LRMDA: variants seen among roughly 807,000 people sequenced by gnomAD.
LRMDA encodes the protein leucine rich melanocyte differentiation associated.
Under a neutral mutation model 29.8 loss-of-function variants are expected in LRMDA, and 18 were observed. The ratio of observed to expected loss-of-function variants is 0.60; its 90% CI spans 0.42 to 0.90. The LOEUF is 0.90. LRMDA is among the 40% of genes least tolerant of loss of function. The pLI is 0.00. For synonymous variants in LRMDA, 125 were observed against 109.4 expected (o/e 1.14, Z -0.89); for missense variants, 273 against 273.9 (o/e 1.00, Z 0.02).
intron 6 of LRMDA, among the ~76,000 whole-genome samples, chr10:76,486,451 C>A (rs753425287): frequency 2.0e-5 from 3 of 151,856 alleles, no homozygotes; most frequent in African/African-American, 4.8e-5. Context: ...GCTGCACGTA[C>A]ATAGGTCAAG....
At chr10:76,277,353 A>T (rs1329604385) in intron 5 of LRMDA, among the ~76,000 whole-genome samples, 1 of 152,072 alleles carries the variant, frequency 6.6e-6, no homozygotes, top group East Asian at 1.9e-4. Context: ...GTATCCTTGT[A>T]TTTTGTGCAG....
At chr10:75,676,107 TTCTGGGGAAAGAA>T (rs1180733760) in intron 2 of LRMDA, among the ~76,000 whole-genome samples, 2 of 151,996 alleles carry the variant, frequency 1.3e-5, no homozygotes, top group African/African-American at 4.8e-5. Context: ...CTTGCTCCCT[TTCTGGGGAAAGAA>T]TCCCAGGTTA....
chr10:75,894,775 C>T (rs560568390), intron 2 of LRMDA, among the ~76,000 whole-genome samples: 5 of 151,984 alleles, frequency 3.3e-5, no homozygotes, highest in Middle Eastern at 3.2e-3. Flanking sequence ...AAGATCTAAG[C>T]GTTTCAGAGG....
At chr10:75,478,167 T>C (rs1389796535) in intron 2 of LRMDA, among the ~76,000 whole-genome samples, 11 of 152,168 alleles carry the variant, frequency 7.2e-5, no homozygotes. Flanking sequence ...AGCATTCACC[T>C]TGGGAGGAGG....
At chr10:75,784,350 A>G (rs1323013197) in intron 2 of LRMDA, among the ~76,000 whole-genome samples, 1 of 152,226 alleles carries the variant, frequency 6.6e-6, no homozygotes, top group Non-Finnish European at 1.5e-5. Flanking sequence ...GTAAAAGAGT[A>G]CCTGGTATGT....
intron 2 of LRMDA, among the ~76,000 whole-genome samples, chr10:75,823,305 AACAG>A (rs1056291209): frequency 6.6e-6 from 1 of 152,220 alleles, no homozygotes; most frequent in Non-Finnish European, 1.5e-5. Flanking sequence ...AAAGGACACG[AACAG>A]ACATTTTTCA....
intron 2 of LRMDA, among the ~76,000 whole-genome samples, chr10:75,551,191 A>G (rs1391152503): frequency 1.1e-4 from 16 of 147,012 alleles, no homozygotes; most frequent in Non-Finnish European, 7.5e-5. Flanking sequence ...CTAGGATTTG[A>G]GGAAGGATGT....
intron 2 of LRMDA, among the ~76,000 whole-genome samples, chr10:75,781,903 T>G (rs1314392962): frequency 6.6e-6 from 1 of 152,146 alleles, no homozygotes; most frequent in Non-Finnish European, 1.5e-5. Flanking sequence ...AGGTTTTCTC[T>G]CTCTCTGAAG....
At chr10:75,805,214 C>CCCTAAAGT (rs1366964525) in intron 2 of LRMDA, among the ~76,000 whole-genome samples, 1 of 152,106 alleles carries the variant, frequency 6.6e-6, no homozygotes, top group Non-Finnish European at 1.5e-5. Context: ...TTCCTTTTAG[C>CCCTAAAGT]CCTAAAGTAC....
intron 2 of LRMDA, among the ~76,000 whole-genome samples, chr10:75,763,172 G>A: frequency 6.6e-6 from 1 of 152,236 alleles, no homozygotes; most frequent in South Asian, 2.1e-4. Flanking sequence ...TTTGTGAAAA[G>A]TTTTTCTAAA....
intron 2 of LRMDA, among the ~76,000 whole-genome samples, chr10:75,560,442 G>A (rs10450306): frequency 0.74 from 106,924 of 144,450 alleles, 39,703 homozygotes; most frequent in East Asian, 0.85. Context: ...GGCTGAGACA[G>A]TGGGGTTTTC....
chr10:76,247,359 C>T (rs769587768), intron 5 of LRMDA, among the ~76,000 whole-genome samples: 5 of 152,056 alleles, frequency 3.3e-5, no homozygotes, highest in Non-Finnish European at 7.4e-5. Context: ...TAACATTGGG[C>T]GAGGTAGTCT....
chr10:76,512,610 A>C (rs1406744807), intron 6 of LRMDA, among the ~76,000 whole-genome samples: 2 of 152,206 alleles, frequency 1.3e-5, no homozygotes, highest in Non-Finnish European at 2.9e-5. Context: ...TAACAGCTAA[A>C]ATGATAAAAT....
chr10:76,164,539 C>CA (rs1278807730), intron 5 of LRMDA, among the ~76,000 whole-genome samples: 2 of 152,014 alleles, frequency 1.3e-5, no homozygotes, highest in South Asian at 2.1e-4. Flanking sequence ...AAAAACCACC[C>CA]AAAAAACAAA....
intron 2 of LRMDA, among the ~76,000 whole-genome samples, chr10:75,809,781 G>C (rs1281663972): frequency 6.6e-6 from 1 of 152,228 alleles, no homozygotes; most frequent in African/African-American, 2.4e-5. Flanking sequence ...GACACTGTGA[G>C]GGCTTGCAAA....
At chr10:76,477,861 G>A (rs1352611696) in intron 6 of LRMDA, among the ~76,000 whole-genome samples, 1 of 152,168 alleles carries the variant, frequency 6.6e-6, no homozygotes. Flanking sequence ...GTAGAAAGCT[G>A]AAACTGGATC....
At chr10:76,138,599 G>A (rs567631363) in intron 5 of LRMDA, among the ~76,000 whole-genome samples, 1 of 152,236 alleles carries the variant, frequency 6.6e-6, no homozygotes, top group African/African-American at 2.4e-5. Flanking sequence ...TCTTTGACAG[G>A]CTGCTTGTAG....
At chr10:76,071,420 T>C (rs752936929) in intron 5 of LRMDA, among the ~76,000 whole-genome samples, 11 of 152,226 alleles carry the variant, frequency 7.2e-5, no homozygotes, top group Non-Finnish European at 1.6e-4. Flanking sequence ...CTCATTCTAA[T>C]TTTTAGTCAT....
At chr10:75,859,415 G>A (rs780020870) in intron 2 of LRMDA, among the ~76,000 whole-genome samples, 2 of 152,150 alleles carry the variant, frequency 1.3e-5, no homozygotes, top group East Asian at 1.9e-4. Context: ...AGTCTCTTGG[G>A]TATGACATGG....
Sources: allele counts gnomAD v4.1 joint callset (sites outside exome capture counted in the v4.1 genomes callset), GRCh38; gene constraint gnomAD v4.1.1; transcripts MANE v1.5; gene names NCBI Gene and HGNC (gene_info 2026-07-23, HGNC 2026-07-21).